Variants in RBFOX1 observed in about 807,000 individuals in gnomAD.
RBFOX1 encodes the protein RNA binding fox-1 homolog 1.
A neutral mutation model predicts 57.7 loss-of-function variants in RBFOX1; 8 were observed. The observed-to-expected ratio is 0.14, with a 90% confidence interval of 0.08 to 0.25. RBFOX1 has a LOEUF of 0.25. RBFOX1 is among the 10% of genes least tolerant of loss of function. RBFOX1 has a pLI of 1.00. For synonymous variants in RBFOX1, 326 were observed against 222.4 expected, an observed-to-expected ratio of 1.47 and a Z score of -4.15; for missense variants, 611 against 548.5, an observed-to-expected ratio of 1.11 and a Z score of -1.14.
chr16:5,863,907 T>A (rs986885838), intron 3 of RBFOX1, among the ~76,000 whole-genome samples: 2 of 152,168 alleles, frequency 1.3e-5, no homozygotes, highest in African/African-American at 4.8e-5. Flanking sequence ...AATTTTTTCG[T>A]GAATTTCTTT....
intron 3 of RBFOX1, among the ~76,000 whole-genome samples, chr16:7,016,806 C>G (rs915554927): frequency 6.6e-6 from 1 of 152,110 alleles, no homozygotes; most frequent in African/African-American, 2.4e-5. Context: ...CGTGGTTACC[C>G]GCCAGGTGAG....
chr16:6,864,258 A>C (rs1603633923), intron 3 of RBFOX1, among the ~76,000 whole-genome samples: 2 of 152,130 alleles, frequency 1.3e-5, no homozygotes. Context: ...ACTCTTCCAC[A>C]TTTAGACACG....
At chr16:5,959,089 AG>A (rs2152285987) in intron 4 of RBFOX1, among the ~76,000 whole-genome samples, 2 of 152,326 alleles carry the variant, frequency 1.3e-5, no homozygotes, top group South Asian at 4.1e-4. Context: ...GCACAGAGAA[AG>A]GCTTGTTATG....
intron 4 of RBFOX1, among the ~76,000 whole-genome samples, chr16:6,003,106 C>T (rs1238721770): frequency 5.9e-5 from 9 of 151,730 alleles, no homozygotes; most frequent in African/African-American, 1.5e-4. Flanking sequence ...GGTGAAACCC[C>T]GTCTCTACTA....
intron 2 of RBFOX1, among the ~76,000 whole-genome samples, chr16:6,339,839 T>A (rs1599802618): frequency 6.6e-6 from 1 of 151,378 alleles, no homozygotes. Flanking sequence ...CCCAGCTGAT[T>A]TTTTTTTATT....
intron 4 of RBFOX1, among the ~76,000 whole-genome samples, chr16:7,466,290 C>G (rs1453971347): frequency 6.6e-6 from 1 of 152,064 alleles, no homozygotes; most frequent in Non-Finnish European, 1.5e-5. Context: ...TATGGTTTTA[C>G]CAGACCTATA....
At position 6,935,977 on chromosome 16, in the gene RBFOX1, G is replaced by A. The variant is rs561240954; in HGVS notation, c.-15-116080G>A. ...TGTCTGCTTTGCTTACACTCAGGCA[G>A]TGATTGCATATCTGGGGGCTAATGA... On this transcript the variant is annotated intron_variant, in intron 3 of 15. Coordinates refer to ENST00000550418, the MANE Select transcript of RBFOX1 (RefSeq NM_018723.4). Among the ~76,000 whole-genome samples the A allele has an allele frequency of 7.2e-5, 11 of 152,346 alleles. No homozygotes were observed. In the South Asian group the frequency reaches 1.9e-3, roughly 26 times the overall value.
intron 3 of RBFOX1, among the ~76,000 whole-genome samples, chr16:5,859,743 G>A (rs2057163199): frequency 6.6e-6 from 1 of 152,178 alleles, no homozygotes; most frequent in African/African-American, 2.4e-5. Context: ...CATTTTACAG[G>A]TATAAAATTA....
At chr16:6,297,979 T>C (rs1018210595) in intron 1 of RBFOX1, among the ~76,000 whole-genome samples, 1 of 152,200 alleles carries the variant, frequency 6.6e-6, no homozygotes, top group Non-Finnish European at 1.5e-5. Context: ...GTGACCCAGT[T>C]CTTTCGGGGT....
At chr16:5,416,106 C>T (rs114110623) in intron 1 of RBFOX1, among the ~76,000 whole-genome samples, 483 of 152,306 alleles carry the variant, frequency 3.2e-3, no homozygotes, top group African/African-American at 0.01. Context: ...CTGTACATCT[C>T]GTTTATGAGA....
At chr16:5,891,694 A>C (rs2058047920) in intron 4 of RBFOX1, among the ~76,000 whole-genome samples, 1 of 152,110 alleles carries the variant, frequency 6.6e-6, no homozygotes, top group Admixed American at 6.6e-5. Context: ...TGGACTCATG[A>C]AGGGATCCAC....
chr16:6,239,980 G>A (rs2097531765), intron 1 of RBFOX1, among the ~76,000 whole-genome samples: 1 of 152,116 alleles, frequency 6.6e-6, no homozygotes, highest in Admixed American at 6.6e-5. Flanking sequence ...CTCTCAAGGT[G>A]GGAGGTGTTT....
chr16:7,505,856 A>T (rs1422919314), intron 4 of RBFOX1, among the ~76,000 whole-genome samples: 1 of 152,142 alleles, frequency 6.6e-6, no homozygotes, highest in Non-Finnish European at 1.5e-5. Context: ...TTTATGAATT[A>T]TGGCTTCAGC....
chr16:7,387,235 C>A (rs537910911), intron 4 of RBFOX1, among the ~76,000 whole-genome samples: 64 of 152,084 alleles, frequency 4.2e-4, no homozygotes, highest in Non-Finnish European at 8.2e-4. Flanking sequence ...AAGTACCTAC[C>A]ATGCATTATC....
intron 11 of RBFOX1, among the ~76,000 whole-genome samples, chr16:7,640,998 A>G (rs2062697883): frequency 6.6e-6 from 1 of 151,996 alleles, no homozygotes; most frequent in Non-Finnish European, 1.5e-5. Flanking sequence ...CTTGGAATGT[A>G]AAAGAGGACA....
chr16:5,635,148 T>G (rs900934742), intron 3 of RBFOX1, among the ~76,000 whole-genome samples: 2 of 152,256 alleles, frequency 1.3e-5, no homozygotes, highest in African/African-American at 4.8e-5. Context: ...TTTAACATTT[T>G]CACTTTTGAC....
At chr16:6,821,488 A>G (rs1023636088) in intron 3 of RBFOX1, among the ~76,000 whole-genome samples, 1 of 152,190 alleles carries the variant, frequency 6.6e-6, no homozygotes, top group African/African-American at 2.4e-5. Flanking sequence ...ACCTTTATCT[A>G]GTTCCAAAAC....
At chr16:6,731,856 T>C (rs1262505714) in intron 3 of RBFOX1, among the ~76,000 whole-genome samples, 1 of 152,198 alleles carries the variant, frequency 6.6e-6, no homozygotes, top group African/African-American at 2.4e-5. Flanking sequence ...GCTCATTGTC[T>C]GCCTCTAGGG....
At chr16:5,726,666 G>C (rs1370655577) in intron 3 of RBFOX1, among the ~76,000 whole-genome samples, 1 of 152,150 alleles carries the variant, frequency 6.6e-6, no homozygotes, top group African/African-American at 2.4e-5. Flanking sequence ...TATGATCAAG[G>C]CTTAACTCTA....
Sources: allele counts gnomAD v4.1 joint callset (sites outside exome capture counted in the v4.1 genomes callset), GRCh38; gene constraint gnomAD v4.1.1; transcripts MANE v1.5; gene names NCBI Gene and HGNC (gene_info 2026-07-23, HGNC 2026-07-21).